Variants in ADCY1 observed in about 807,000 individuals in gnomAD.
The protein encoded by ADCY1 is adenylate cyclase 1.
A neutral mutation model predicts 105.4 loss-of-function variants in ADCY1; 28 were observed. The observed-to-expected ratio is 0.27, with a 90% confidence interval of 0.20 to 0.36. ADCY1 has a LOEUF of 0.36. Among genes scored for constraint, ADCY1 ranks in the 10% least tolerant of loss-of-function variants. ADCY1 has a pLI of 1.00. For synonymous variants in ADCY1, 655 were observed against 623.8 expected, an observed-to-expected ratio of 1.05 and a Z score of -0.75; for missense variants, 977 against 1,434.2, an observed-to-expected ratio of 0.68 and a Z score of 5.15.
intron 10 of ADCY1, 122 bp from the exon 11 acceptor site, chr7:45,679,587 C>T (rs1258568645): frequency 1.1e-5 from 10 of 938,610 alleles, no homozygotes; most frequent in African/African-American, 4.9e-5. Context: ...TCCAGGTTAA[C>T]GATGCTGCTT....
Position 45,721,030 on chromosome 7 carries a change from T to C in ADCY1, c.*7035T>C, listed in dbSNP as rs140526250. ...AAGCCCTTGTGTTTTCCATTATGTTTAGTGCCTCTTTGCTAACAGCAACAT... is the reference window on the plus strand; with the variant it reads ...AAGCCCTTGTGTTTTCCATTATGTTCAGTGCCTCTTTGCTAACAGCAACAT... On this transcript the variant is annotated 3_prime_UTR_variant, in exon 20 of 20. Coordinates refer to ENST00000297323, the MANE Select transcript of ADCY1 (RefSeq NM_021116.4). The C allele has an allele frequency of 3.1e-4, 47 of 152,356 alleles. No homozygotes were observed. Among genetic ancestry groups the C allele is most frequent in the African/African-American group, 1.1e-3 (46 of 41,572 alleles). 9.4% of individuals were successfully genotyped at this position (152,356 alleles called of 1,614,324 possible).
At chr7:45,706,326 T>C (rs1785116050) in intron 17 of ADCY1, among the ~76,000 whole-genome samples, 1 of 151,980 alleles carries the variant, frequency 6.6e-6, no homozygotes, top group East Asian at 1.9e-4. Flanking sequence ...GACAGCGTGG[T>C]ATTGGCAAAA....
chr7:45,636,050 CTA>C lies in ADCY1; in HGVS notation c.1021-12618_1021-12617del, dbSNP rs528294024. Reference sequence around the variant, plus strand: ...TGGTTATGTCTTCTTGATAAATTGACTATTTTATTATTAAGAAATGACCTTCT... The same window carrying C: ...TGGTTATGTCTTCTTGATAAATTGACTTTTATTATTAAGAAATGACCTTCT... On this transcript the variant is annotated intron_variant, in intron 4 of 19. Coordinates refer to ENST00000297323, the MANE Select transcript of ADCY1 (RefSeq NM_021116.4). 4.5e-4 allele frequency among the ~76,000 whole-genome samples: 69 copies of C among 152,204 alleles called. 2 individuals are homozygous for C. The South Asian group carries it at 7.9e-3, about 17-fold the overall frequency.
intron 7 of ADCY1, among the ~76,000 whole-genome samples, chr7:45,660,408 G>T (rs1399427911): frequency 2.0e-5 from 3 of 152,196 alleles, no homozygotes; most frequent in Non-Finnish European, 4.4e-5. Context: ...TCAGAGATCT[G>T]GGATCACCTC....
chr7:45,574,886 C>A lies in ADCY1; in HGVS notation c.343C>A (p.Gln115Lys). 1 of 1,611,922 alleles carries A rather than the reference C, an allele frequency of 6.2e-7. No individual in the cohort carries two copies. The highest frequency in any genetic ancestry group is 8.5e-7 in the Non-Finnish European group (1 of 1,179,680). Reference protein sequence around the residue: ...LLVVTNVRSLQVPQLQQVGQL... With the variant: ...LLVVTNVRSLKVPQLQQVGQL... Reference sequence around the variant, plus strand: ...CGTGGTAACCAACGTCCGGTCCCTGCAGGTGCCCCAGCTGCAGCAGGTCGG... The same window carrying A: ...CGTGGTAACCAACGTCCGGTCCCTGAAGGTGCCCCAGCTGCAGCAGGTCGG... The change falls in exon 1 of 20, where the codon CAG becomes AAG. Residue 115 changes from glutamine to lysine, a missense_variant. By Grantham distance (53) the Gln-to-Lys change is moderately conservative. This residue lies in a region of ADCY1 where 209 missense variants were observed against 222.5 expected (regional missense o/e 0.94). Coordinates refer to ENST00000297323, the MANE Select transcript of ADCY1 (RefSeq NM_021116.4). The surrounding 1 kb of genome is among the most constrained non-coding windows in gnomAD (Gnocchi z 7.0).
At chr7:45,584,492 C>A (rs577751315) in intron 1 of ADCY1, among the ~76,000 whole-genome samples, 2 of 152,234 alleles carry the variant, frequency 1.3e-5, no homozygotes, top group African/African-American at 4.8e-5. Context: ...CAGAGCCCCC[C>A]GCTGCCCCCT....
rs926464461 is a variant in ADCY1, at chr7:45,722,571, CTTA to C, written c.*8581_*8583del. The C allele has an allele frequency of 1.3e-5, 2 of 152,248 alleles. No homozygotes were observed. Among genetic ancestry groups the C allele is most frequent in the African/African-American group, 2.4e-5 (1 of 41,446 alleles). 9.4% of individuals were successfully genotyped at this position (152,248 alleles called of 1,614,324 possible). ...CACCCCCCGCTCAAACAACAATGTCCTTATTATGATGACCATCTCGTAGTGGTA... is the reference window on the plus strand; with the variant it reads ...CACCCCCCGCTCAAACAACAATGTCCTTATGATGACCATCTCGTAGTGGTA... On this transcript the variant is annotated 3_prime_UTR_variant, in exon 20 of 20. Transcript: ENST00000297323.
At chr7:45,610,737 TGGG>T (rs1197846349) in intron 3 of ADCY1, among the ~76,000 whole-genome samples, 7 of 118,304 alleles carry the variant, frequency 5.9e-5, no homozygotes, top group South Asian at 2.8e-4. Context: ...ATAGTGGAGG[TGGG>T]GAGGTGATGA....
At position 45,686,057 on chromosome 7, in the gene ADCY1, C is replaced by G; in HGVS notation, c.2169C>G (p.Pro723=). 1 of 1,611,488 alleles carries G rather than the reference C, an allele frequency of 6.2e-7. No individual in the cohort carries two copies. ...GGQRTALPTL[P]CESTHHALLC... is the part of the protein sequence containing the mutation. ...AGCGCACAGCCCTGCCCACCCTGCC[C>G]TGCGAGTCTACACACCATGCCCTGC... The change falls in exon 13 of 20, where the codon CCC becomes CCG. Residue 723 remains proline, a synonymous_variant. Transcript: ENST00000297323. The surrounding 1 kb of genome is among the most constrained non-coding windows in gnomAD (Gnocchi z 4.3).
At chr7:45,588,863 G>A (rs1792814754) in intron 1 of ADCY1, among the ~76,000 whole-genome samples, 2 of 145,794 alleles carry the variant, frequency 1.4e-5, no homozygotes, top group Admixed American at 6.8e-5. Context: ...CCCCATCATT[G>A]CGTGTATGTG....
rs374501683 is a variant in ADCY1 at position 45,662,251 on chromosome 7, C to T, written c.1605+37C>T. On this transcript the variant is annotated intron_variant, in intron 8 of 19. Coordinates refer to ENST00000297323, the MANE Select transcript of ADCY1 (RefSeq NM_021116.4). ...CAGGGAGCCTGCCATGCTGGAGCTGCCAGGGACTGATCTCTGTCCTGCCCT... is the reference window on the plus strand; with the variant it reads ...CAGGGAGCCTGCCATGCTGGAGCTGTCAGGGACTGATCTCTGTCCTGCCCT... The T allele has an allele frequency of 8.8e-6, 14 of 1,594,948 alleles. No individual in the cohort carries two copies. The African/African-American group carries it at 1.9e-4, about 21-fold the overall frequency.
chr7:45,657,817 G>A lies in ADCY1; in HGVS notation c.1239G>A (p.Lys413=). ...RVLCGVLGLR[K]WQYDVWSNDV... is the part of the protein sequence containing the mutation. ...TCTGTGGTGTCCTGGGCTTGCGCAA[G>A]TGGCAGTACGACGTGTGGTCCAATG... Residue 413 remains lysine, a synonymous_variant, in exon 6 of 20, where the codon AAG becomes AAA. Transcript: ENST00000297323. The A allele has an allele frequency of 6.2e-7, 1 of 1,613,994 alleles. No homozygotes were observed. Among genetic ancestry groups the A allele is most frequent in the Non-Finnish European group, 8.5e-7 (1 of 1,179,994 alleles).
At chr7:45,689,153 AC>A (rs1354420929) in intron 14 of ADCY1, among the ~76,000 whole-genome samples, 1 of 151,082 alleles carries the variant, frequency 6.6e-6, no homozygotes, top group Non-Finnish European at 1.5e-5. Flanking sequence ...GTTGCTGAGA[AC>A]CCTCGCCCTT....
intron 1 of ADCY1, 40 bp from the exon 2 acceptor site, chr7:45,592,719 G>T: frequency 6.2e-7 from 1 of 1,612,806 alleles, no homozygotes; most frequent in South Asian, 1.1e-5. Flanking sequence ...GTGTGTGTGG[G>T]ATGTCAGGCT....
intron 2 of ADCY1, among the ~76,000 whole-genome samples, chr7:45,604,803 T>G (rs976531992): frequency 8.5e-5 from 13 of 152,344 alleles, no homozygotes; most frequent in East Asian, 1.9e-4. Context: ...TTAAGTAGTA[T>G]TATTCCTTTT....
At chr7:45,649,048 A>C (rs1186097200) in intron 5 of ADCY1, among the ~76,000 whole-genome samples, 1 of 152,208 alleles carries the variant, frequency 6.6e-6, no homozygotes, top group East Asian at 1.9e-4. Context: ...GTCCACAGGA[A>C]TCCTGCATAT....
At chr7:45,583,953 T>G (rs201604264) in intron 1 of ADCY1, among the ~76,000 whole-genome samples, 4,423 of 143,492 alleles carry the variant, frequency 0.031, 160 homozygotes, top group African/African-American at 0.042. Context: ...TTTTTTTTTT[T>G]TTTTTTTTTT....
chr7:45,639,588 G>A (rs79853823), intron 4 of ADCY1, among the ~76,000 whole-genome samples: 1 of 152,204 alleles, frequency 6.6e-6, no homozygotes, highest in African/African-American at 2.4e-5. Flanking sequence ...TTCCTCAAGT[G>A]GATGGGAGCA....
chr7:45,671,574 C>G lies in ADCY1; in HGVS notation c.1606-6295C>G, dbSNP rs1157947947. ...TCCAGTTCATCTCCATCCTCACCAG[C>G]ATTTGGTGTTCTCTCTCTCTCTCTC... On this transcript the variant is annotated intron_variant, in intron 8 of 19. Coordinates refer to ENST00000297323, the MANE Select transcript of ADCY1 (RefSeq NM_021116.4). 9.2e-5 allele frequency among the ~76,000 whole-genome samples: 14 copies of G among 152,266 alleles called. No individual in the cohort carries two copies. In the East Asian group the frequency reaches 2.1e-3, roughly 23 times the overall value.
Sources: allele counts gnomAD v4.1 joint callset (sites outside exome capture counted in the v4.1 genomes callset), GRCh38; gene constraint gnomAD v4.1.1; regional missense constraint gnomAD v4.1.1; non-coding constraint Gnocchi (gnomAD v3.1); transcripts MANE v1.5; gene names NCBI Gene and HGNC (gene_info 2026-07-23, HGNC 2026-07-21).